ECT2L: variants seen among roughly 807,000 people sequenced by gnomAD.
The protein encoded by ECT2L is epithelial cell-transforming sequence 2 oncogene-like.
ECT2L carries 126 observed loss-of-function variants against 122.8 expected under a neutral mutation model. The observed-to-expected ratio is 1.03, with a 90% CI of 0.89 to 1.19. ECT2L has a LOEUF of 1.19. ECT2L is among the 50% of genes most tolerant of loss of function. The pLI, the probability that ECT2L is intolerant of heterozygous loss-of-function variation, is 0.00. For missense variants in ECT2L, 1,012 were observed against 1,064.1 expected, an observed-to-expected ratio of 0.95 and a Z score of 0.68; for synonymous variants, 385 against 381.8, an observed-to-expected ratio of 1.01 and a Z score of -0.10.
rs1466882841 is a variant in ECT2L, at chr6:138,854,026, G to A, written c.1070G>A (p.Gly357Asp). 5.0e-6 allele frequency: 8 copies of A among 1,612,480 alleles called. No individual in the cohort carries two copies. The highest frequency in any genetic ancestry group is 2.2e-5 in the East Asian group (1 of 44,870). The change falls in exon 10 of 22, where the codon GGC (glycine) becomes GAC (aspartate). Residue 357 changes from glycine (G) to aspartate (D), a missense_variant and splice_region_variant. Gly to Asp is a moderately conservative substitution (Grantham distance 94, BLOSUM62 -1). Coordinates refer to ENST00000541398, the MANE Select transcript of ECT2L (RefSeq NM_001077706.3). ...GDSREINLLQ[G>D]YKIGVKNLLR... ...TGACATTTTGATTTTTTTTCCTCAG[G>A]CTATAAAATTGGTGTTAAAAATTTA...
chr6:138,841,220 G>T (rs1020830405), intron 5 of ECT2L, among the ~76,000 whole-genome samples: 4 of 152,134 alleles, frequency 2.6e-5, no homozygotes, highest in African/African-American at 9.7e-5. Flanking sequence ...ATCACCTGAG[G>T]ATCTCTCTAT....
chr6:138,816,440 AG>A (rs1776070618), intron 4 of ECT2L, among the ~76,000 whole-genome samples: 1 of 151,956 alleles, frequency 6.6e-6, no homozygotes, highest in African/African-American at 2.4e-5. Context: ...TTCTTCAGAG[AG>A]CAGACTGTAT....
chr6:138,833,104 C>T (rs1395912119), intron 4 of ECT2L, among the ~76,000 whole-genome samples: 7 of 152,022 alleles, frequency 4.6e-5, no homozygotes, highest in Non-Finnish European at 8.8e-5. Flanking sequence ...ACAAGAACAG[C>T]GTGGGGGAAA....
At chr6:138,873,387 T>G (rs868668443) in intron 13 of ECT2L, among the ~76,000 whole-genome samples, 1 of 152,198 alleles carries the variant, frequency 6.6e-6, no homozygotes. Context: ...AGGATAAAAA[T>G]AGAAAAGCTG....
rs550814864 is a variant in ECT2L at position 138,855,569 on chromosome 6, C to A, written c.1198+1415C>A. On this transcript the variant is annotated intron_variant, in intron 10 of 21. Coordinates refer to ENST00000541398, the MANE Select transcript of ECT2L (RefSeq NM_001077706.3). ...AGGAAATATACCAAAATATTAACAG[C>A]ACCTATTTCTAGATGTGTTTTATAA... Among the ~76,000 whole-genome samples, 37 of 152,200 alleles carry A rather than the reference C, an allele frequency of 2.4e-4. 1 individual carries two copies. Among genetic ancestry groups the A allele is most frequent in the African/African-American group, 8.7e-4 (36 of 41,542 alleles).
At chr6:138,798,176 T>G (rs150893054) in intron 1 of ECT2L, among the ~76,000 whole-genome samples, 1 of 152,332 alleles carries the variant, frequency 6.6e-6, no homozygotes, top group Non-Finnish European at 1.5e-5. Flanking sequence ...TCTTGTCCTT[T>G]GGGATTTTAA....
chr6:138,842,892 T>C (rs571882436), intron 5 of ECT2L, 87 bp from the exon 6 acceptor site: 174 of 1,259,980 alleles, frequency 1.4e-4, no homozygotes, highest in Middle Eastern at 2.1e-4. Context: ...CTCAGTGTAA[T>C]GAAAAAGTAT....
chr6:138,885,510 G>C lies in ECT2L; in HGVS notation c.2033G>C (p.Arg678Thr). The change falls in exon 17 of 22, where the codon AGA becomes ACA. Residue 678 changes from arginine to threonine, a missense_variant. Arg to Thr is a moderately conservative substitution (Grantham distance 71, BLOSUM62 -1). Coordinates refer to ENST00000541398, the MANE Select transcript of ECT2L (RefSeq NM_001077706.3). ...AATATAATCCTCACCTTTTAGTGCAGAGAAATGATACCAGCATTCCGAACT... is the reference window on the plus strand; with the variant it reads ...AATATAATCCTCACCTTTTAGTGCACAGAAATGATACCAGCATTCCGAACT... Reference protein sequence around the residue: ...PVILKTIEKCREMIPAFRTFL... With the variant: ...PVILKTIEKCTEMIPAFRTFL... 1 of 1,614,104 alleles carries C rather than the reference G, an allele frequency of 6.2e-7. No individual in the cohort carries two copies. Among genetic ancestry groups the C allele is most frequent in the Non-Finnish European group, 8.5e-7 (1 of 1,179,962 alleles).
rs780045894 is a variant in ECT2L, at chr6:138,903,286, G to C, written c.*659G>C. On this transcript the variant is annotated 3_prime_UTR_variant, in exon 22 of 22. Transcript: ENST00000541398. ...GCAGGAGAAGAATCACTTGTACCCGGGAGTCGGAGGTTGTAGTAAGCTGAG... is the reference window on the plus strand; with the variant it reads ...GCAGGAGAAGAATCACTTGTACCCGCGAGTCGGAGGTTGTAGTAAGCTGAG... The C allele has an allele frequency of 6.6e-6, 1 of 151,950 alleles. No homozygotes were observed. Among genetic ancestry groups the C allele is most frequent in the Non-Finnish European group, 1.5e-5 (1 of 68,022 alleles). 9.4% of individuals were successfully genotyped at this position (151,950 alleles called of 1,614,324 possible). A position where few individuals can be genotyped will look rare whatever the true frequency, so the allele number is the denominator to read the frequency against.
chr6:138,867,272 T>C (rs775908399), intron 12 of ECT2L, among the ~76,000 whole-genome samples: 4 of 152,226 alleles, frequency 2.6e-5, no homozygotes, highest in Admixed American at 6.5e-5. Context: ...GCACTTTTTA[T>C]AGACTAGACA....
intron 14 of ECT2L, among the ~76,000 whole-genome samples, chr6:138,880,598 T>G (rs1445957230): frequency 6.6e-6 from 1 of 152,210 alleles, no homozygotes; most frequent in Non-Finnish European, 1.5e-5. Flanking sequence ...CTCACTAGAC[T>G]GTAACCTCCA....
chr6:138,863,047 T>C (rs909694439), intron 11 of ECT2L, among the ~76,000 whole-genome samples: 57 of 152,142 alleles, frequency 3.7e-4, no homozygotes, highest in Non-Finnish European at 1.6e-4. Context: ...AACATATATA[T>C]AGTCAATATG....
In ECT2L at chr6:138,807,234, A is replaced by G. The variant is rs117277924; in HGVS notation, c.-243-5604A>G. Among the ~76,000 whole-genome samples, 231 of 152,154 alleles carry G rather than the reference A, an allele frequency of 1.5e-3. 1 individual carries two copies. The highest frequency in any genetic ancestry group is 2.9e-3 in the Non-Finnish European group (195 of 67,998). On this transcript the variant is annotated intron_variant, in intron 1 of 21. Transcript: ENST00000541398. Reference sequence around the variant, plus strand: ...AGCAATTCACCTGTCTGAGCTTCCCAAAGTGCTAGGATTACAGGCATGAGC... The same window carrying G: ...AGCAATTCACCTGTCTGAGCTTCCCGAAGTGCTAGGATTACAGGCATGAGC...
chr6:138,841,422 C>CA (rs1777036576), intron 5 of ECT2L, among the ~76,000 whole-genome samples: 1 of 152,150 alleles, frequency 6.6e-6, no homozygotes, highest in African/African-American at 2.4e-5. Flanking sequence ...CCTACAAATC[C>CA]AGTCAAGGAA....
At chr6:138,806,158 G>A (rs1470559441) in intron 1 of ECT2L, among the ~76,000 whole-genome samples, 3 of 152,174 alleles carry the variant, frequency 2.0e-5, no homozygotes, top group East Asian at 1.9e-4. Context: ...CTGGAGACCT[G>A]TGAGCTCAAA....
At chr6:138,864,002 T>TTAAAAAAAAAAAAAAA (rs1417290086) in intron 11 of ECT2L, among the ~76,000 whole-genome samples, 1 of 55,846 alleles carries the variant, frequency 1.8e-5, no homozygotes, top group African/African-American at 7.8e-5. Flanking sequence ...TCTCCGTATT[T>TTAAAAAAAAAAAAAAA]AAAAAAAAAA....
At chr6:138,796,439 T>A (rs1441904100) in intron 1 of ECT2L, among the ~76,000 whole-genome samples, 3 of 152,194 alleles carry the variant, frequency 2.0e-5, no homozygotes, top group Non-Finnish European at 4.4e-5. Flanking sequence ...CCATGCCAAG[T>A]AAACTCTTAC....
chr6:138,832,457 T>C (rs1287237567), intron 4 of ECT2L, among the ~76,000 whole-genome samples: 1 of 152,130 alleles, frequency 6.6e-6, no homozygotes, highest in Non-Finnish European at 1.5e-5. Flanking sequence ...AGGAACCCCT[T>C]GGGTTTCTTA....
chr6:138,842,910 C>A, intron 5 of ECT2L, 69 bp from the exon 6 acceptor site: 1 of 1,357,286 alleles, frequency 7.4e-7, no homozygotes. Context: ...TATCTGTGTA[C>A]CTGAAAATAT....
Sources: gnomAD v4.1 joint callset for allele counts (sites outside exome capture counted in the v4.1 genomes callset) on GRCh38, gnomAD v4.1.1 for gene constraint, MANE v1.5 for transcripts, NCBI Gene and HGNC (gene_info 2026-07-23, HGNC 2026-07-21) for gene names.